NAV3: variants seen among roughly 807,000 people sequenced by gnomAD.
NAV3 encodes neuron navigator 3, also known as pore membrane and/or filament interacting like protein 1.
In NAV3, 87 loss-of-function variants were observed where a neutral mutation model predicts 244.7. The observed-to-expected ratio is 0.36, with a 90% CI of 0.30 to 0.42. The LOEUF is 0.42. Among genes scored for constraint, NAV3 ranks in the 20% least tolerant of loss-of-function variants. The pLI is 1.00. For synonymous variants in NAV3, 1,126 were observed against 1,042.2 expected, an observed-to-expected ratio of 1.08 and a Z score of -1.55; for missense variants, 2,663 against 2,893.3, an observed-to-expected ratio of 0.92 and a Z score of 1.83.
At chr12:77,807,290 G>T (rs920684876) in intron 2 of NAV3, among the ~76,000 whole-genome samples, 6 of 152,172 alleles carry the variant, frequency 3.9e-5, no homozygotes, top group Non-Finnish European at 7.3e-5. Flanking sequence ...CTACAATGTG[G>T]TATGTTTTTG....
At chr12:78,159,851 T>C (rs191201940) in intron 23 of NAV3, among the ~76,000 whole-genome samples, 25 of 152,250 alleles carry the variant, frequency 1.6e-4, no homozygotes, top group African/African-American at 5.5e-4. Context: ...GAATACTGAA[T>C]GTTAAGAAAG....
At chr12:77,771,827 G>A (rs1320204766) in intron 2 of NAV3, among the ~76,000 whole-genome samples, 1 of 151,974 alleles carries the variant, frequency 6.6e-6, no homozygotes, top group South Asian at 2.1e-4. Flanking sequence ...ACAAGTTAAT[G>A]GGTGCAGCAC....
rs767660334 is a variant in NAV3, at chr12:78,059,020, C to T, written c.2541C>T (p.Asn847=). The T allele has an allele frequency of 6.2e-7, 1 of 1,607,558 alleles. No individual in the cohort carries two copies. The highest frequency in any genetic ancestry group is 8.5e-7 in the Non-Finnish European group (1 of 1,177,104). ...GGTACATGACAGATGGAGGACTTAA[C>T]CTATATACTAGAAGTCTGAACCGAA... ...NSGYMTDGGL[N]LYTRSLNRIP... The change falls in exon 12 of 40, where the codon AAC becomes AAT. Residue 847 remains asparagine, a synonymous_variant. Transcript: ENST00000397909.
At chr12:78,080,477 C>A (rs1038762566) in intron 12 of NAV3, among the ~76,000 whole-genome samples, 1 of 152,152 alleles carries the variant, frequency 6.6e-6, no homozygotes, top group African/African-American at 2.4e-5. Flanking sequence ...AAGACTTAAT[C>A]ACCACAATTT....
intron 2 of NAV3, among the ~76,000 whole-genome samples, chr12:77,603,409 T>G (rs539586803): frequency 5.3e-5 from 8 of 151,620 alleles, no homozygotes; most frequent in Middle Eastern, 6.8e-3. Flanking sequence ...CACCTTGATC[T>G]ATGGATTAAT....
intron 1 of NAV3, among the ~76,000 whole-genome samples, chr12:77,873,424 T>C (rs570559760): frequency 6.6e-6 from 1 of 152,016 alleles, no homozygotes; most frequent in South Asian, 2.1e-4. Flanking sequence ...TGAAATGATA[T>C]TTCTTAAATA....
At chr12:77,935,221 G>T (rs966671316) in intron 1 of NAV3, among the ~76,000 whole-genome samples, 7 of 152,016 alleles carry the variant, frequency 4.6e-5, no homozygotes, top group African/African-American at 1.7e-4. Context: ...ACTGTCAGTA[G>T]TAAAAAAAAA....
At position 77,948,100 on chromosome 12, in the gene NAV3, C is replaced by A. The variant is rs150297275; in HGVS notation, c.414+6967C>A. ...AAAAAAATGCCAAAGATGATGATTT[C>A]TCTTCAGTTTTAGTAAGTCTAATTT... On this transcript the variant is annotated intron_variant, in intron 3 of 39. Coordinates refer to ENST00000397909, the MANE Select transcript of NAV3 (RefSeq NM_001024383.2). Among the ~76,000 whole-genome samples, 348 of 152,116 alleles carry A rather than the reference C, an allele frequency of 2.3e-3. 1 individual carries two copies. Among genetic ancestry groups the A allele is most frequent in the African/African-American group, 7.6e-3 (317 of 41,552 alleles).
At chr12:77,830,597 A>G (rs1408293958), upstream of NAV3, among the ~76,000 whole-genome samples, 1 of 152,210 alleles carries the variant, frequency 6.6e-6, no homozygotes, top group African/African-American at 2.4e-5. Context: ...CTCTATTTTC[A>G]TAACCTAGGC....
intron 12 of NAV3, among the ~76,000 whole-genome samples, chr12:78,082,397 G>A (rs772881558): frequency 3.3e-5 from 5 of 152,044 alleles, no homozygotes; most frequent in South Asian, 2.1e-4. Flanking sequence ...TTTATCACCC[G>A]TTTTGAAAAT....
upstream of NAV3, among the ~76,000 whole-genome samples, chr12:77,828,600 G>C (rs1179174483): frequency 1.3e-5 from 2 of 152,106 alleles, no homozygotes; most frequent in East Asian, 3.9e-4. Flanking sequence ...TCAAAACGGT[G>C]TGGTTCTTTT....
At chr12:77,607,934 C>G (rs913862702) in intron 2 of NAV3, among the ~76,000 whole-genome samples, 5 of 152,062 alleles carry the variant, frequency 3.3e-5, no homozygotes, top group African/African-American at 1.2e-4. Context: ...ATCAAATGAT[C>G]TATTATTTCA....
At chr12:77,899,493 T>C (rs1013336817) in intron 1 of NAV3, among the ~76,000 whole-genome samples, 4 of 152,216 alleles carry the variant, frequency 2.6e-5, no homozygotes, top group African/African-American at 9.6e-5. Flanking sequence ...AGATGATTGT[T>C]AGCACTGTTA....
chr12:77,736,425 T>A (rs1270820057), intron 2 of NAV3, among the ~76,000 whole-genome samples: 12 of 152,202 alleles, frequency 7.9e-5, no homozygotes, highest in Non-Finnish European at 1.5e-5. Context: ...CTTATGTCGG[T>A]CTTGCTGGTG....
intron 2 of NAV3, among the ~76,000 whole-genome samples, chr12:77,726,843 G>A (rs1171641293): frequency 1.3e-5 from 2 of 151,922 alleles, no homozygotes; most frequent in African/African-American, 4.8e-5. Context: ...AACTGGCAGG[G>A]GTTTGGTGAT....
chr12:77,957,316 T>G (rs1891456513), intron 3 of NAV3, among the ~76,000 whole-genome samples: 1 of 152,230 alleles, frequency 6.6e-6, no homozygotes, highest in Non-Finnish European at 1.5e-5. Context: ...AGTCTATAGT[T>G]GCTGAATGAA....
intron 2 of NAV3, among the ~76,000 whole-genome samples, chr12:77,699,670 G>T (rs1346987907): frequency 5.3e-5 from 8 of 152,010 alleles, no homozygotes; most frequent in African/African-American, 1.7e-4. Flanking sequence ...CTTACATGTG[G>T]CTTCTATATG....
intron 34 of NAV3, among the ~76,000 whole-genome samples, chr12:78,195,817 T>C: frequency 6.6e-6 from 1 of 152,148 alleles, no homozygotes; most frequent in East Asian, 1.9e-4. Flanking sequence ...ATATTTATGA[T>C]ATTATATTGA....
At chr12:77,767,710 G>T (rs983515856) in intron 2 of NAV3, among the ~76,000 whole-genome samples, 1 of 152,194 alleles carries the variant, frequency 6.6e-6, no homozygotes, top group African/African-American at 2.4e-5. Context: ...ACACAGTGGC[G>T]CCCAGGAGCT....
Sources: gnomAD v4.1 joint callset for allele counts (sites outside exome capture counted in the v4.1 genomes callset) on GRCh38, gnomAD v4.1.1 for gene constraint, MANE v1.5 for transcripts, NCBI Gene and HGNC (gene_info 2026-07-23, HGNC 2026-07-21) for gene names.